The following TECTA variants were observed in gnomAD, a reference collection of about 807,000 sequenced individuals.
TECTA encodes alpha-tectorin.
A neutral mutation model predicts 216.8 loss-of-function variants in TECTA; 128 were observed. The ratio of observed to expected loss-of-function variants is 0.59; its 90% confidence interval spans 0.51 to 0.68. TECTA has a LOEUF of 0.68. Ranked by LOEUF, TECTA falls within the 30% of genes least tolerant of loss-of-function variation. The pLI is 0.00. For missense variants in TECTA, 2,551 were observed against 2,786.2 expected, an observed-to-expected ratio of 0.92 and a Z score of 1.90; for synonymous variants, 1,089 against 1,117.1, an observed-to-expected ratio of 0.97 and a Z score of 0.50.
chr11:121,125,643 A>G lies in TECTA; in HGVS notation c.1545A>G (p.Glu515=), dbSNP rs1160166165. The G allele has an allele frequency of 1.9e-6, 3 of 1,611,660 alleles. No individual in the cohort carries two copies. Among genetic ancestry groups the G allele is most frequent in the Non-Finnish European group, 2.5e-6 (3 of 1,178,130 alleles). ...GCACCCAGTGCGACGCTGCCACTGA[A>G]GCCCTCTACTTTGGCTCTGACTACT... The part of the protein sequence containing the change: ...DNCTQCDAAT[E]ALYFGSDYCG... The change falls in exon 8 of 24, where the codon GAA becomes GAG. Residue 515 remains glutamate (E), a synonymous_variant. Transcript: ENST00000392793.
At chr11:121,190,616 T>C in intron 23 of TECTA, 90 bp from the exon 24 acceptor site, 1 of 1,040,124 alleles carries the variant, frequency 9.6e-7, no homozygotes, top group Non-Finnish European at 1.5e-6. Flanking sequence ...AAGTTTCCTT[T>C]CTTTAGCTGA....
rs1946650979 is a variant in TECTA, at chr11:121,129,672, A to G, written c.2402A>G (p.His801Arg). The change falls in exon 10 of 24, where the codon CAT (histidine) becomes CGT (arginine). Residue 801 changes from histidine to arginine, a missense_variant. His to Arg is a conservative substitution (Grantham distance 29). This residue lies in a region of TECTA where 2,375 missense variants were observed against 2,563.9 expected (regional missense o/e 0.93). Transcript: ENST00000392793. ...NGQEVELPFF[H>R]PSGKLEIYRN... is the part of the protein sequence containing the mutation. Reference sequence around the variant, plus strand: ...CAGGAAGTGGAATTGCCTTTTTTCCATCCTTCGGGGAAGCTGGAAATTTAT... The same window carrying G: ...CAGGAAGTGGAATTGCCTTTTTTCCGTCCTTCGGGGAAGCTGGAAATTTAT... 4 of 1,614,066 alleles carry G rather than the reference A, an allele frequency of 2.5e-6. No individual in the cohort carries two copies. The African/African-American group carries it at 4.0e-5, about 16-fold the overall frequency.
chr11:121,169,788 A>C (rs143676360), intron 20 of TECTA, among the ~76,000 whole-genome samples: 1 of 152,196 alleles, frequency 6.6e-6, no homozygotes, highest in African/African-American at 2.4e-5. Flanking sequence ...TGACACATGC[A>C]TTAAATGTGT....
In TECTA at chr11:121,128,152, C is replaced by A; in HGVS notation, c.2175C>A (p.Asp725Glu). 2 of 1,611,944 alleles carry A rather than the reference C, an allele frequency of 1.2e-6. No individual in the cohort carries two copies. The highest frequency in any genetic ancestry group is 3.3e-5 in the Admixed American group (2 of 60,036). Residue 725 changes from aspartate to glutamate, a missense_variant, in exon 9 of 24, where the codon GAC becomes GAA. Around this residue, in one of 3 missense-constraint regions of TECTA, gnomAD observed 2,375 missense variants for 2,563.9 expected, o/e 0.93. Coordinates refer to ENST00000392793, the MANE Select transcript of TECTA (RefSeq NM_005422.4). ...AGAACCAGGTGCTGCACACCTTTGA[C>A]GGCGCCTCCTACGCCTTCCCCTCCG... ...LSQNQVLHTF[D>E]GASYAFPSEF...
chr11:121,160,384 C>T lies in TECTA; in HGVS notation c.4939C>T (p.Leu1647=), dbSNP rs1946987237. ...GAAGCCGGTGGTAAGCAGCGTGGTG[C>T]TGGCCCAGAGCTGGAAAACCAATGG... ...RGKPVVSSVV[L]AQSWKTNGMQ... is the part of the protein sequence containing the mutation. The change falls in exon 15 of 24, where the codon CTG becomes TTG. Residue 1647 remains leucine, a synonymous_variant. Transcript: ENST00000392793. 7 of 1,613,006 alleles carry T rather than the reference C, an allele frequency of 4.3e-6. No individual in the cohort carries two copies. The highest frequency in any genetic ancestry group is 3.3e-5 in the Admixed American group (2 of 59,994).
chr11:121,160,916 A>C (rs1180214847), intron 15 of TECTA, among the ~76,000 whole-genome samples: 1 of 152,200 alleles, frequency 6.6e-6, no homozygotes, highest in African/African-American at 2.4e-5. Flanking sequence ...TTACAAGGTT[A>C]TTATCAGGCC....
At chr11:121,102,751 A>G in intron 2 of TECTA, 22 bp downstream of exon 2, 1 of 1,607,552 alleles carries the variant, frequency 6.2e-7, no homozygotes, top group Non-Finnish European at 8.5e-7. Context: ...AGAATTCCAT[A>G]AAGCTCTCAG....
intron 7 of TECTA, among the ~76,000 whole-genome samples, chr11:121,121,802 C>G (rs117520387): frequency 0.011 from 1,650 of 152,264 alleles, 10 homozygotes; most frequent in Non-Finnish European, 0.015. Flanking sequence ...TAAGTAAGAG[C>G]AGAGGAGCCC....
chr11:121,158,486 T>A (rs1192972314), intron 14 of TECTA, among the ~76,000 whole-genome samples: 1 of 152,242 alleles, frequency 6.6e-6, no homozygotes, highest in African/African-American at 2.4e-5. Flanking sequence ...TGGGCGCTAA[T>A]AGAGCTTCAG....
intron 12 of TECTA, among the ~76,000 whole-genome samples, chr11:121,146,633 T>C (rs1238892002): frequency 6.6e-6 from 1 of 152,240 alleles, no homozygotes; most frequent in East Asian, 1.9e-4. Flanking sequence ...TAGCCTTTAC[T>C]CTGTCTTTAA....
chr11:121,146,149 T>C, intron 12 of TECTA, 33 bp downstream of exon 12: 1 of 1,598,526 alleles, frequency 6.3e-7, no homozygotes, highest in Non-Finnish European at 8.5e-7. Context: ...CCTTGTAGCT[T>C]CTCCTCTTTC....
chr11:121,118,424 GGT>G lies in TECTA; in HGVS notation c.913_914del (p.Cys305ArgfsTer29). On this transcript the variant is annotated frameshift_variant, in exon 7 of 24. Coordinates refer to ENST00000392793, the MANE Select transcript of TECTA (RefSeq NM_005422.4). LOFTEE classifies it high-confidence loss of function. ...CQEASCSPYEVCEPKGKFFYC... is the reference protein window; with the variant it reads ...CQEASCSPYEXCEPKGKFFYC... ...AGGAGGCTTCCTGTAGCCCCTACGA[GGT>G]GTGCGAACCCAAAGGCAAATTCTTC... 1 of 1,614,158 alleles carries G rather than the reference GGT, an allele frequency of 6.2e-7. No homozygotes were observed. Among genetic ancestry groups the G allele is most frequent in the South Asian group, 1.1e-5 (1 of 91,080 alleles).
chr11:121,154,217 T>C (rs1337579187), intron 13 of TECTA, among the ~76,000 whole-genome samples: 1 of 152,212 alleles, frequency 6.6e-6, no homozygotes, highest in Non-Finnish European at 1.5e-5. Flanking sequence ...TAATATCTCC[T>C]TTTTGTAAAG....
intron 4 of TECTA, 71 bp downstream of exon 4, chr11:121,109,569 G>A (rs1270796046): frequency 4.5e-6 from 7 of 1,572,056 alleles, no homozygotes; most frequent in Admixed American, 3.3e-5. Context: ...TCGCTACCAC[G>A]AAGGAGTCTA....
In TECTA at chr11:121,113,634, A is replaced by G. The variant is rs200752577; in HGVS notation, c.706A>G (p.Thr236Ala). Reference sequence around the variant, plus strand: ...CCCCGAGATCGTGAATATCCAGGAGACCACAAACGTCAATGTTCCAGGCCG... The same window carrying G: ...CCCCGAGATCGTGAATATCCAGGAGGCCACAAACGTCAATGTTCCAGGCCG... ...RTPEIVNIQE[T>A]TNVNVPGRWA... The change falls in exon 6 of 24, where the codon ACC becomes GCC. Residue 236 changes from threonine to alanine, a missense_variant. Physicochemically the swap from Thr to Ala is moderately conservative, Grantham distance 58 (BLOSUM62 0). This residue lies in a region of TECTA where 2,375 missense variants were observed against 2,563.9 expected (regional missense o/e 0.93). Coordinates refer to ENST00000392793, the MANE Select transcript of TECTA (RefSeq NM_005422.4). The surrounding 1 kb of genome is among the most constrained non-coding windows in gnomAD (Gnocchi z 4.2). 2.2e-5 allele frequency: 36 copies of G among 1,613,752 alleles called. No homozygotes were observed. Among genetic ancestry groups the G allele is most frequent in the Non-Finnish European group, 3.1e-5 (36 of 1,180,000 alleles).
chr11:121,129,549 A>G lies in TECTA; in HGVS notation c.2368-89A>G. ...TGACCTCTCTCAAAAGGCTAGCAAT[A>G]GGGCAGACCGTGTCTTTATCCCACA... On this transcript the variant is annotated intron_variant, in intron 9 of 23. Transcript: ENST00000392793. The G allele has an allele frequency of 2.2e-6, 3 of 1,362,626 alleles. No individual in the cohort carries two copies. In the Admixed American group the frequency reaches 5.0e-5, roughly 23 times the overall value. 84.4% of individuals were successfully genotyped at this position (1,362,626 alleles called of 1,614,324 possible).
chr11:121,118,574 G>A lies in TECTA; in HGVS notation c.1059G>A (p.Leu353=). 3 of 1,614,190 alleles carry A rather than the reference G, an allele frequency of 1.9e-6. No individual in the cohort carries two copies. Among genetic ancestry groups the A allele is most frequent in the Non-Finnish European group, 2.5e-6 (3 of 1,180,036 alleles). Residue 353 remains leucine (L), a synonymous_variant, in exon 7 of 24, where the codon TTG becomes TTA. Transcript: ENST00000392793. ...SCAYLLARQC[L]QTSSLPFFSV... ...CCTACTTGCTGGCCCGACAGTGTTTGCAGACTTCCAGCCTCCCTTTCTTCA... is the reference window on the plus strand; with the variant it reads ...CCTACTTGCTGGCCCGACAGTGTTTACAGACTTCCAGCCTCCCTTTCTTCA...
At position 121,125,596 on chromosome 11, in the gene TECTA, G is replaced by A. The variant is rs754964995; in HGVS notation, c.1498G>A (p.Asp500Asn). 2.5e-5 allele frequency: 41 copies of A among 1,613,734 alleles called. No individual in the cohort carries two copies. Among genetic ancestry groups the A allele is most frequent in the South Asian group, 3.3e-5 (3 of 91,078 alleles). Residue 500 changes from aspartate to asparagine, a missense_variant, in exon 8 of 24, where the codon GAC (aspartate) becomes AAC (asparagine). Coordinates refer to ENST00000392793, the MANE Select transcript of TECTA (RefSeq NM_005422.4). ...TGTGTACCACGCAGACTGGAAGTGC[G>A]ACTCCGGCTGCGTCGACAACTGCAC... is the stretch of plus-strand genomic sequence containing the variant. Reference protein sequence around the residue: ...WRVYHADWKCDSGCVDNCTQC... With the variant: ...WRVYHADWKCNSGCVDNCTQC...
chr11:121,170,152 G>A (rs192514681), intron 20 of TECTA, among the ~76,000 whole-genome samples: 53 of 152,206 alleles, frequency 3.5e-4, no homozygotes, highest in Admixed American at 7.8e-4. Flanking sequence ...ATGACTTCCA[G>A]TTCTGACCAT....
Sources: gnomAD v4.1 joint callset for allele counts (sites outside exome capture counted in the v4.1 genomes callset) on GRCh38, gnomAD v4.1.1 for gene constraint, gnomAD v4.1.1 regional missense constraint, Gnocchi (gnomAD v3.1) non-coding constraint, MANE v1.5 for transcripts, NCBI Gene and HGNC (gene_info 2026-07-23, HGNC 2026-07-21) for gene names.